Variants in ADCY1 observed in about 807,000 individuals in gnomAD.
ADCY1 encodes the protein adenylate cyclase type 1.
A neutral mutation model predicts 105.4 loss-of-function variants in ADCY1; 28 were observed. The observed-to-expected ratio is 0.27, with a 90% CI of 0.20 to 0.36. The LOEUF is 0.36. ADCY1 is among the 10% of genes least tolerant of loss of function. ADCY1 has a pLI of 1.00. For synonymous variants in ADCY1, 655 were observed against 623.8 expected (o/e 1.05, Z -0.75); for missense variants, 977 against 1,434.2 (o/e 0.68, Z 5.15).
chr7:45,694,520 G>A (rs988337015), intron 14 of ADCY1, among the ~76,000 whole-genome samples: 2 of 152,208 alleles, frequency 1.3e-5, no homozygotes, highest in African/African-American at 4.8e-5. Flanking sequence ...AAGAAGAAAG[G>A]TCTCTCTCAA....
In ADCY1 at chr7:45,574,582, C is replaced by G; in HGVS notation, c.39C>G (p.Gly13=). The change falls in exon 1 of 20, where the codon GGC becomes GGG. Residue 13 remains glycine, a synonymous_variant. Coordinates refer to ENST00000297323, the MANE Select transcript of ADCY1 (RefSeq NM_021116.4). The surrounding 1 kb of genome is among the most constrained non-coding windows in gnomAD (Gnocchi z 7.0). ...CGCGCGGCGGAGGCGGCGGCGGAGG[C>G]GGCGCGGGCGAGCCCGGGGGCGCCG... The part of the protein sequence containing the change: ...GAPRGGGGGG[G]GAGEPGGAER... 1 of 1,011,484 alleles carries G rather than the reference C, an allele frequency of 9.9e-7. No individual in the cohort carries two copies. The highest frequency in any genetic ancestry group is 1.2e-6 in the Non-Finnish European group (1 of 849,730). 62.7% of individuals were successfully genotyped at this position (1,011,484 alleles called of 1,614,324 possible). A position where few individuals can be genotyped will look rare whatever the true frequency, so the allele number is the denominator to read the frequency against.
intron 16 of ADCY1, 147 bp from the exon 17 acceptor site, chr7:45,704,371 C>T: frequency 1.5e-6 from 1 of 659,010 alleles, no homozygotes; most frequent in South Asian, 1.8e-5. Flanking sequence ...CCAGTGTAGT[C>T]CTAGAACTTG....
intron 5 of ADCY1, among the ~76,000 whole-genome samples, chr7:45,654,153 A>G (rs1381421925): frequency 6.6e-6 from 1 of 152,234 alleles, no homozygotes; most frequent in Non-Finnish European, 1.5e-5. Context: ...CCGGTGGCCA[A>G]TATGGCAGGA....
At chr7:45,664,417 G>A (rs966482441) in intron 8 of ADCY1, 2 of 1,535,580 alleles carry the variant, frequency 1.3e-6, no homozygotes, top group African/African-American at 2.7e-5. Context: ...AGTGCTGCAA[G>A]GATGAGCTCC....
intron 7 of ADCY1, among the ~76,000 whole-genome samples, chr7:45,661,464 C>T (rs910032433): frequency 4.6e-5 from 7 of 152,006 alleles, no homozygotes; most frequent in Admixed American, 1.3e-4. Flanking sequence ...GAAGACAGGC[C>T]GGCCAGCAGG....
chr7:45,721,360 C>T lies in ADCY1; in HGVS notation c.*7365C>T, dbSNP rs943885903. ...AAATGTTAGGCTTTAAAAATCCCTACTTTGTCATATCAGACTATATTCTAA... is the reference window on the plus strand; with the variant it reads ...AAATGTTAGGCTTTAAAAATCCCTATTTTGTCATATCAGACTATATTCTAA... On this transcript the variant is annotated 3_prime_UTR_variant, in exon 20 of 20. Coordinates refer to ENST00000297323, the MANE Select transcript of ADCY1 (RefSeq NM_021116.4). 33 of 255,250 alleles carry T rather than the reference C, an allele frequency of 1.3e-4. No individual in the cohort carries two copies. Among genetic ancestry groups the T allele is most frequent in the African/African-American group, 6.6e-4 (30 of 45,502 alleles). The allele number at this position is 255,250 out of a possible 1,614,324, so 15.8% of individuals were successfully genotyped here.
chr7:45,615,871 G>T (rs990621472), intron 3 of ADCY1, among the ~76,000 whole-genome samples: 7 of 152,020 alleles, frequency 4.6e-5, no homozygotes, highest in Admixed American at 4.6e-4. Context: ...AAATGAAATA[G>T]AAAATAAAAA....
intron 14 of ADCY1, among the ~76,000 whole-genome samples, chr7:45,698,800 C>T (rs1432230956): frequency 1.3e-5 from 2 of 152,226 alleles, no homozygotes; most frequent in Non-Finnish European, 2.9e-5. Context: ...GACCTCTCCC[C>T]ATGCCTCACC....
chr7:45,675,312 CT>C, intron 8 of ADCY1, among the ~76,000 whole-genome samples: 1 of 152,084 alleles, frequency 6.6e-6, no homozygotes, highest in East Asian at 1.9e-4. Flanking sequence ...TTTTCAGTCC[CT>C]TTATCCTTCC....
At chr7:45,592,550 T>A (rs1411562269) in intron 1 of ADCY1, among the ~76,000 whole-genome samples, 4 of 152,196 alleles carry the variant, frequency 2.6e-5, no homozygotes, top group Non-Finnish European at 5.9e-5. Flanking sequence ...TTACTCCTCA[T>A]CCCCTGACAT....
At chr7:45,582,148 A>G (rs1274159901) in intron 1 of ADCY1, among the ~76,000 whole-genome samples, 1 of 152,190 alleles carries the variant, frequency 6.6e-6, no homozygotes, top group African/African-American at 2.4e-5. Context: ...ACACTGATGC[A>G]CACTCGTAAA....
chr7:45,599,427 T>C (rs1219872535), intron 2 of ADCY1, among the ~76,000 whole-genome samples: 1 of 150,562 alleles, frequency 6.6e-6, no homozygotes, highest in African/African-American at 2.4e-5. Flanking sequence ...GCCTTCTGCT[T>C]GGTTTTCGTG....
chr7:45,663,554 C>T (rs993397688), intron 8 of ADCY1, among the ~76,000 whole-genome samples: 4 of 152,180 alleles, frequency 2.6e-5, no homozygotes, highest in African/African-American at 7.2e-5. Context: ...GATCGGTGGG[C>T]TCATGCCTCT....
At chr7:45,590,426 G>T (rs778445483) in intron 1 of ADCY1, among the ~76,000 whole-genome samples, 1 of 151,908 alleles carries the variant, frequency 6.6e-6, no homozygotes, top group Non-Finnish European at 1.5e-5. Context: ...AGGCTCCTCC[G>T]CAGGCCTTGC....
At chr7:45,684,750 T>A in intron 11 of ADCY1, 1 of 425,198 alleles carries the variant, frequency 2.4e-6, no homozygotes, top group Non-Finnish European at 4.2e-6. Context: ...GAAGTATTAT[T>A]CTTTGTAATT....
In ADCY1 at chr7:45,716,786, G is replaced by A. The variant is rs1355561007; in HGVS notation, c.*2791G>A. On this transcript the variant is annotated 3_prime_UTR_variant, in exon 20 of 20. Coordinates refer to ENST00000297323, the MANE Select transcript of ADCY1 (RefSeq NM_021116.4). ...GATCTAAGGATGGGAGGGGAACTTG[G>A]TTTATCTGGGTGGGCTCAGTGACCC... The A allele has an allele frequency of 1.3e-5, 2 of 152,354 alleles. No individual in the cohort carries two copies. Among genetic ancestry groups the A allele is most frequent in the Non-Finnish European group, 2.9e-5 (2 of 68,138 alleles). 9.4% of individuals were successfully genotyped at this position (152,354 alleles called of 1,614,324 possible).
intron 5 of ADCY1, 85 bp from the exon 6 acceptor site, chr7:45,657,637 GGTGCT>G: frequency 1.5e-6 from 2 of 1,365,200 alleles, no homozygotes; most frequent in Non-Finnish European, 2.0e-6. Flanking sequence ...CAGTTTCCCT[GGTGCT>G]CACAGCCTAG....
intron 5 of ADCY1, among the ~76,000 whole-genome samples, chr7:45,653,753 C>G (rs1169282589): frequency 6.6e-6 from 1 of 152,218 alleles, no homozygotes; most frequent in Non-Finnish European, 1.5e-5. Context: ...ATACCCCTCT[C>G]CTCTGACACG....
intron 8 of ADCY1, among the ~76,000 whole-genome samples, chr7:45,666,003 C>G (rs998562137): frequency 2.6e-5 from 4 of 152,208 alleles, no homozygotes; most frequent in Non-Finnish European, 4.4e-5. Flanking sequence ...ATTGTTCTCT[C>G]TCAGGCACTT....
Sources: gnomAD v4.1 joint callset for allele counts (sites outside exome capture counted in the v4.1 genomes callset) on GRCh38, gnomAD v4.1.1 for gene constraint, Gnocchi (gnomAD v3.1) non-coding constraint, MANE v1.5 for transcripts, NCBI Gene and HGNC (gene_info 2026-07-23, HGNC 2026-07-21) for gene names.